EXOC6: variants seen among roughly 807,000 people sequenced by gnomAD.
EXOC6 encodes the protein exocyst complex component 6, also known as SEC15-like 1.
A neutral mutation model predicts 112.5 loss-of-function variants in EXOC6; 60 were observed. The ratio of observed to expected loss-of-function variants is 0.53; its 90% CI spans 0.43 to 0.66. EXOC6 has a LOEUF of 0.66. Among genes scored for constraint, EXOC6 ranks in the 30% least tolerant of loss-of-function variants. The pLI is 0.00. For synonymous variants in EXOC6, 295 were observed against 308.0 expected (o/e 0.96, Z 0.44); for missense variants, 855 against 957.1 (o/e 0.89, Z 1.41).
intron 18 of EXOC6, among the ~76,000 whole-genome samples, chr10:92,986,683 A>G (rs78072491): frequency 7.0e-6 from 1 of 143,342 alleles, no homozygotes; most frequent in Non-Finnish European, 1.5e-5. Context: ...TCTTTTTCTA[A>G]AAAAAAAAAA....
At chr10:92,959,624 C>G (rs762174053) in intron 17 of EXOC6, among the ~76,000 whole-genome samples, 61 of 152,184 alleles carry the variant, frequency 4.0e-4, no homozygotes, top group Admixed American at 1.1e-3. Context: ...TGATAAAGGA[C>G]TCTTGTCTGA....
intron 1 of EXOC6, among the ~76,000 whole-genome samples, chr10:92,892,436 T>C (rs1023499202): frequency 2.0e-5 from 3 of 152,228 alleles, no homozygotes; most frequent in African/African-American, 7.2e-5. Flanking sequence ...AGGAATTTTA[T>C]TGGAGTTTGG....
At chr10:92,893,283 C>T (rs916158743) in intron 1 of EXOC6, 66 bp from the exon 2 acceptor site, 27 of 1,197,596 alleles carry the variant, frequency 2.3e-5, no homozygotes, top group Non-Finnish European at 2.9e-5. Context: ...GATATCACCT[C>T]TTGCAAAGAT....
intron 6 of EXOC6, among the ~76,000 whole-genome samples, chr10:92,915,031 A>AT (rs1851002406): frequency 6.6e-6 from 1 of 152,200 alleles, no homozygotes; most frequent in Non-Finnish European, 1.5e-5. Flanking sequence ...CAATTGTGGG[A>AT]TAACAGCTTC....
intron 20 of EXOC6, among the ~76,000 whole-genome samples, chr10:93,038,906 C>T (rs183698331): frequency 1.3e-5 from 2 of 152,278 alleles, no homozygotes; most frequent in Non-Finnish European, 2.9e-5. Context: ...TTATCAATGG[C>T]CCATAGAGCC....
At chr10:92,863,805 C>T (rs971542113) in intron 1 of EXOC6, among the ~76,000 whole-genome samples, 1 of 151,276 alleles carries the variant, frequency 6.6e-6, no homozygotes, top group Non-Finnish European at 1.5e-5. Context: ...ATCCCAGCTA[C>T]TCGAGAGGCT....
At chr10:92,925,112 A>G (rs1408992659) in intron 8 of EXOC6, among the ~76,000 whole-genome samples, 3 of 152,162 alleles carry the variant, frequency 2.0e-5, no homozygotes, top group African/African-American at 7.2e-5. Flanking sequence ...AGTATTGTTT[A>G]TTATGCTCCT....
rs148347094 is a variant in EXOC6 at position 92,954,667 on chromosome 10, A to G, written c.1564A>G (p.Asn522Asp). 29 of 1,608,658 alleles carry G rather than the reference A, an allele frequency of 1.8e-5. No homozygotes were observed. Among genetic ancestry groups the G allele is most frequent in the Middle Eastern group, 1.6e-4 (1 of 6,062 alleles). The change falls in exon 16 of 22, where the codon AAT (asparagine) becomes GAT (aspartate). Residue 522 changes from asparagine to aspartate, a missense_variant. Coordinates refer to ENST00000260762, the MANE Select transcript of EXOC6 (RefSeq NM_019053.6). ...EIDDMLRKST[N>D]LLLTRTLSSC... is the part of the protein sequence containing the mutation. ...AGACGATATGCTTAGAAAATCAACA[A>G]ATCTGCTGCTGACCAGAACTTTGAG... is the stretch of plus-strand genomic sequence containing the variant.
At chr10:92,908,678 A>G (rs1850576179) in intron 5 of EXOC6, among the ~76,000 whole-genome samples, 1 of 152,198 alleles carries the variant, frequency 6.6e-6, no homozygotes, top group African/African-American at 2.4e-5. Context: ...GCTACTTGTA[A>G]TATCTGCCAT....
intron 20 of EXOC6, among the ~76,000 whole-genome samples, chr10:93,017,338 C>T (rs1044097345): frequency 1.3e-5 from 2 of 151,860 alleles, no homozygotes; most frequent in Non-Finnish European, 2.9e-5. Flanking sequence ...CACCTGTAAT[C>T]CCAGCACTTT....
At chr10:93,056,856 C>A in intron 20 of EXOC6, 68 bp from the exon 21 acceptor site, 1 of 827,374 alleles carries the variant, frequency 1.2e-6, no homozygotes, top group Non-Finnish European at 2.0e-6. Context: ...CCAAGGATAG[C>A]ATATAATTTA....
intron 20 of EXOC6, among the ~76,000 whole-genome samples, chr10:93,051,086 A>G (rs560386171): frequency 1.3e-5 from 2 of 152,312 alleles, no homozygotes; most frequent in East Asian, 3.9e-4. Context: ...AAAGAAAAAA[A>G]TCAAAATAAA....
intron 9 of EXOC6, among the ~76,000 whole-genome samples, chr10:92,930,156 C>T (rs1368097170): frequency 1.3e-5 from 2 of 152,134 alleles, no homozygotes; most frequent in Non-Finnish European, 2.9e-5. Flanking sequence ...TACATGTGCA[C>T]ATGGAAGATT....
chr10:92,954,087 C>T (rs1853564262), intron 15 of EXOC6, among the ~76,000 whole-genome samples: 1 of 152,030 alleles, frequency 6.6e-6, no homozygotes. Context: ...TTGAGACCAG[C>T]CTGGGCAACA....
chr10:92,994,516 G>T (rs1843395729), intron 18 of EXOC6, among the ~76,000 whole-genome samples: 2 of 152,230 alleles, frequency 1.3e-5, no homozygotes, highest in South Asian at 4.1e-4. Context: ...ATTGAACTTT[G>T]TAGAGAGAGG....
intron 20 of EXOC6, among the ~76,000 whole-genome samples, chr10:93,047,560 AAAAAGAG>A (rs1414204577): frequency 6.7e-6 from 1 of 149,212 alleles, no homozygotes; most frequent in African/African-American, 2.5e-5. Context: ...AAAACAAAAC[AAAAAGAG>A]GAGAAGAAGA....
intron 1 of EXOC6, among the ~76,000 whole-genome samples, chr10:92,835,681 T>G (rs924459804): frequency 6.6e-6 from 1 of 152,206 alleles, no homozygotes; most frequent in Admixed American, 6.5e-5. Context: ...TAAACCTGAA[T>G]AAATTTCTCC....
At chr10:92,915,566 T>A (rs926352879) in intron 6 of EXOC6, among the ~76,000 whole-genome samples, 192 bp from the exon 7 acceptor site, 10 of 21,592 alleles carry the variant, frequency 4.6e-4, no homozygotes, top group Non-Finnish European at 7.5e-4. Context: ...GAGACCCTGA[T>A]TTTTTTTTTT....
At chr10:93,051,110 T>C (rs1846272572) in intron 20 of EXOC6, among the ~76,000 whole-genome samples, 1 of 151,808 alleles carries the variant, frequency 6.6e-6, no homozygotes, top group Admixed American at 6.6e-5. Flanking sequence ...AATATGGATG[T>C]GTGTAAATCC....
Sources: allele counts gnomAD v4.1 joint callset (sites outside exome capture counted in the v4.1 genomes callset), GRCh38; gene constraint gnomAD v4.1.1; transcripts MANE v1.5; gene names NCBI Gene and HGNC (gene_info 2026-07-23, HGNC 2026-07-21).